BASP1: variants seen among roughly 807,000 people sequenced by gnomAD.
BASP1 encodes the protein brain abundant membrane attached signal protein 1, also known as brain acid soluble protein 1.
Under a neutral mutation model 2.2 loss-of-function variants are expected in BASP1, and 1 was observed. The ratio of observed to expected loss-of-function variants is 0.46; its 90% CI spans 0.16 to 2.17. BASP1 has a LOEUF of 2.17. Among genes scored for constraint, BASP1 ranks in the 30% most tolerant of loss-of-function variants. The pLI is 0.27. For missense variants in BASP1, 352 were observed against 327.2 expected (o/e 1.08, Z -0.58); for synonymous variants, 187 against 154.2 (o/e 1.21, Z -1.58).
At chr5:17,218,704 G>T (rs528789907) in intron 1 of BASP1, among the ~76,000 whole-genome samples, 1 of 152,212 alleles carries the variant, frequency 6.6e-6, no homozygotes, top group Non-Finnish European at 1.5e-5. Flanking sequence ...TGCCCAAAGC[G>T]CTAAAGCTGA....
intron 1 of BASP1, among the ~76,000 whole-genome samples, chr5:17,265,970 A>G (rs2126517435): frequency 6.6e-6 from 1 of 152,314 alleles, no homozygotes; most frequent in East Asian, 1.9e-4. Flanking sequence ...AGTGTCTTCT[A>G]TTAAGGACAT....
Position 17,264,436 on chromosome 5 carries a change from A to T in BASP1, c.-9-10772A>T, listed in dbSNP as rs190606186. ...TTGTAACTTTGTGTTACTTAAAAAA[A>T]ATTGTTAGTGGATTGGCTGGTGTAT... On this transcript the variant is annotated intron_variant, in intron 1 of 1. Transcript: ENST00000322611. 1.1e-4 allele frequency among the ~76,000 whole-genome samples: 16 copies of T among 152,334 alleles called. No homozygotes were observed. The South Asian group carries it at 2.3e-3, about 22-fold the overall frequency.
chr5:17,275,967 CT>C lies in BASP1; in HGVS notation c.*68del, dbSNP rs1740650488. 1.7e-6 allele frequency: 2 copies of C among 1,184,780 alleles called. No individual in the cohort carries two copies. Among genetic ancestry groups the C allele is most frequent in the African/African-American group, 1.7e-5 (1 of 59,642 alleles). The allele number at this position is 1,184,780 out of a possible 1,614,324, so 73.4% of individuals were successfully genotyped here. ...CTCCTCTCTCTCTCTCTCTCTCTCTCTCTATCTCTCTCTCTATCTCCTCTCT... is the reference window on the plus strand; with the variant it reads ...CTCCTCTCTCTCTCTCTCTCTCTCTCCTATCTCTCTCTCTATCTCCTCTCT... On this transcript the variant is annotated 3_prime_UTR_variant, in exon 2 of 2. Coordinates refer to ENST00000322611, the MANE Select transcript of BASP1 (RefSeq NM_006317.5). The surrounding 1 kb of genome is among the most constrained non-coding windows in gnomAD (Gnocchi z 5.3).
At chr5:17,261,261 A>G (rs2126514309) in intron 1 of BASP1, among the ~76,000 whole-genome samples, 1 of 152,338 alleles carries the variant, frequency 6.6e-6, no homozygotes, top group East Asian at 1.9e-4. Flanking sequence ...TAATGTAGCA[A>G]GCCTGTTTGC....
chr5:17,220,309 A>G (rs1369034541), intron 1 of BASP1, among the ~76,000 whole-genome samples: 1 of 152,112 alleles, frequency 6.6e-6, no homozygotes, highest in African/African-American at 2.4e-5. Context: ...TGAGTAGGTT[A>G]TTATGATTTA....
chr5:17,222,834 G>T (rs1739417790), intron 1 of BASP1, among the ~76,000 whole-genome samples: 1 of 152,152 alleles, frequency 6.6e-6, no homozygotes, highest in Non-Finnish European at 1.5e-5. Context: ...TGGTGATTGA[G>T]CAGGCTTGGA....
chr5:17,268,091 G>T (rs1035589516), intron 1 of BASP1, among the ~76,000 whole-genome samples: 9 of 151,926 alleles, frequency 5.9e-5, no homozygotes, highest in Non-Finnish European at 1.2e-4. Flanking sequence ...CCTAGAAAGA[G>T]AATACACTTT....
chr5:17,271,212 C>A lies in BASP1; in HGVS notation c.-9-3996C>A, dbSNP rs182313542. Among the ~76,000 whole-genome samples, 28 of 152,222 alleles carry A rather than the reference C, an allele frequency of 1.8e-4. 1 individual carries two copies. The East Asian group carries it at 2.9e-3, about 16-fold the overall frequency. On this transcript the variant is annotated intron_variant, in intron 1 of 1. Transcript: ENST00000322611. ...CATAGTGCAGTGGCTGATCTCGGCT[C>A]ACTGCAACCTCTGCCTCCCAGGCTC...
At chr5:17,219,489 C>G (rs930178517) in intron 1 of BASP1, among the ~76,000 whole-genome samples, 9 of 152,198 alleles carry the variant, frequency 5.9e-5, no homozygotes, top group African/African-American at 7.2e-5. Context: ...ATTTTGTACC[C>G]GCACACTGTT....
At chr5:17,237,315 G>A (rs1463925148) in intron 1 of BASP1, among the ~76,000 whole-genome samples, 1 of 152,124 alleles carries the variant, frequency 6.6e-6, no homozygotes, top group African/African-American at 2.4e-5. Context: ...CTGCACTCCA[G>A]CCTGGGCGAC....
At chr5:17,230,108 T>A (rs1739602686) in intron 1 of BASP1, among the ~76,000 whole-genome samples, 1 of 152,162 alleles carries the variant, frequency 6.6e-6, no homozygotes, top group African/African-American at 2.4e-5. Context: ...CATTTTAAAA[T>A]CTCCTACCCA....
chr5:17,272,601 C>G (rs1277388835), intron 1 of BASP1, among the ~76,000 whole-genome samples: 1 of 152,180 alleles, frequency 6.6e-6, no homozygotes, highest in East Asian at 1.9e-4. Flanking sequence ...AATAATGAGA[C>G]AATCCTGCTT....
chr5:17,235,601 A>G (rs911263392), intron 1 of BASP1, among the ~76,000 whole-genome samples: 1 of 151,958 alleles, frequency 6.6e-6, no homozygotes, highest in African/African-American at 2.4e-5. Flanking sequence ...ATTTCCTTAC[A>G]TCCCTATTCA....
At chr5:17,258,206 T>A (rs1307861833) in intron 1 of BASP1, among the ~76,000 whole-genome samples, 1 of 152,184 alleles carries the variant, frequency 6.6e-6, no homozygotes, top group African/African-American at 2.4e-5. Context: ...CGACACCACC[T>A]GTTCTGTGCA....
rs1014740652 is a variant in BASP1 at position 17,244,619 on chromosome 5, C to G, written c.-10+26809C>G. Among the ~76,000 whole-genome samples the G allele has an allele frequency of 2.6e-5, 4 of 151,356 alleles. 1 individual carries two copies. Among genetic ancestry groups the G allele is most frequent in the Admixed American group, 1.3e-4 (2 of 15,200 alleles). On this transcript the variant is annotated intron_variant, in intron 1 of 1. Coordinates refer to ENST00000322611, the MANE Select transcript of BASP1 (RefSeq NM_006317.5). ...GACTTAAGAGTTCTGTTTTGGCCTTCGTGGGACTTGATAGGAGGGAAGGCA... is the reference window on the plus strand; with the variant it reads ...GACTTAAGAGTTCTGTTTTGGCCTTGGTGGGACTTGATAGGAGGGAAGGCA...
At position 17,275,157 on chromosome 5, in the gene BASP1, C is replaced by T; in HGVS notation, c.-9-51C>T. 6.3e-7 allele frequency: 1 copy of T among 1,587,250 alleles called. No individual in the cohort carries two copies. Among genetic ancestry groups the T allele is most frequent in the Non-Finnish European group, 8.6e-7 (1 of 1,162,550 alleles). On this transcript the variant is annotated intron_variant, in intron 1 of 1. Coordinates refer to ENST00000322611, the MANE Select transcript of BASP1 (RefSeq NM_006317.5). This position sits in a 1 kb window ranked among gnomAD's most constrained non-coding sequence, Gnocchi z 5.3. Reference sequence around the variant, plus strand: ...TGCAAAATGCAGCTTTTTGTGGTCCCCACACTTGCCTAGTAACCGCCGTTT... The same window carrying T: ...TGCAAAATGCAGCTTTTTGTGGTCCTCACACTTGCCTAGTAACCGCCGTTT...
intron 1 of BASP1, among the ~76,000 whole-genome samples, chr5:17,224,112 A>C (rs1739442632): frequency 6.6e-6 from 1 of 152,222 alleles, no homozygotes; most frequent in African/African-American, 2.4e-5. Flanking sequence ...TCAATTCTGG[A>C]ACTGGTCTTA....
chr5:17,267,768 C>G (rs1740442959), intron 1 of BASP1, among the ~76,000 whole-genome samples: 1 of 144,644 alleles, frequency 6.9e-6, no homozygotes, highest in African/African-American at 2.6e-5. Flanking sequence ...CCTCCTGCCT[C>G]AGCTTCCCAA....
intron 1 of BASP1, among the ~76,000 whole-genome samples, chr5:17,218,840 G>A (rs1229413854): frequency 6.7e-6 from 1 of 149,574 alleles, no homozygotes; most frequent in South Asian, 2.1e-4. Flanking sequence ...TTCTTTTCAT[G>A]AATATTCATC....
Sources: allele counts gnomAD v4.1 joint callset (sites outside exome capture counted in the v4.1 genomes callset), GRCh38; gene constraint gnomAD v4.1.1; non-coding constraint Gnocchi (gnomAD v3.1); transcripts MANE v1.5; gene names NCBI Gene and HGNC (gene_info 2026-07-23, HGNC 2026-07-21).